FAM227A: variants seen among roughly 807,000 people sequenced by gnomAD.
The protein encoded by FAM227A is family with sequence similarity 227 member A.
A neutral mutation model predicts 74.7 loss-of-function variants in FAM227A; 80 were observed. The ratio of observed to expected loss-of-function variants is 1.07; its 90% confidence interval spans 0.89 to 1.29. The LOEUF is 1.29. Among genes scored for constraint, FAM227A ranks in the 50% most tolerant of loss-of-function variants. The pLI, the probability that FAM227A is intolerant of heterozygous loss-of-function variation, is 0.00. For missense variants in FAM227A, 654 were observed against 683.4 expected, an observed-to-expected ratio of 0.96 and a Z score of 0.48; for synonymous variants, 237 against 241.8, an observed-to-expected ratio of 0.98 and a Z score of 0.19.
rs983342833 is a variant in FAM227A, at chr22:38,582,402, C to T, written c.*3723G>A. ...CTGAGAGTATGGGTTTTCAGCAACA[C>T]TGGGAATGACAGAATTAGAATATCA... On this transcript the variant is annotated 3_prime_UTR_variant, in exon 17 of 17. Transcript: ENST00000535113. 6.5e-7 allele frequency: 1 copy of T among 1,550,266 alleles called. No homozygotes were observed. Among genetic ancestry groups the T allele is most frequent in the Non-Finnish European group, 8.7e-7 (1 of 1,146,608 alleles).
chr22:38,610,766 G>GA, intron 11 of FAM227A, among the ~76,000 whole-genome samples: 1 of 152,218 alleles, frequency 6.6e-6, no homozygotes, highest in South Asian at 2.1e-4. Flanking sequence ...CTTCCACTTA[G>GA]AAAGTACTTT....
At chr22:38,620,380 G>A (rs2091661896) in intron 10 of FAM227A, 89 bp from the exon 11 acceptor site, 1 of 1,023,982 alleles carries the variant, frequency 9.8e-7, no homozygotes, top group Non-Finnish European at 1.5e-6. Context: ...CTCCTTTCTG[G>A]AGACAGTGAC....
intron 2 of FAM227A, 83 bp downstream of exon 2, chr22:38,649,944 C>T: frequency 7.9e-7 from 1 of 1,259,686 alleles, no homozygotes; most frequent in South Asian, 1.3e-5. Flanking sequence ...GCATTATAGA[C>T]CTGAGCACTG....
intron 15 of FAM227A, among the ~76,000 whole-genome samples, chr22:38,592,521 A>G (rs1018601412): frequency 6.6e-6 from 1 of 152,194 alleles, no homozygotes; most frequent in Non-Finnish European, 1.5e-5. Context: ...GAAGAAATGC[A>G]TTTCTTTGGA....
intron 1 of FAM227A, among the ~76,000 whole-genome samples, chr22:38,655,672 A>G (rs1186211447): frequency 6.6e-6 from 1 of 152,214 alleles, no homozygotes; most frequent in Non-Finnish European, 1.5e-5. Context: ...AAATGTGGCT[A>G]CTAGAAAATT....
At chr22:38,637,614 G>A (rs909155718) in intron 5 of FAM227A, among the ~76,000 whole-genome samples, 5 of 152,326 alleles carry the variant, frequency 3.3e-5, no homozygotes, top group Non-Finnish European at 5.9e-5. Flanking sequence ...CATGATTCAC[G>A]GCACTGACTC....
intron 2 of FAM227A, among the ~76,000 whole-genome samples, chr22:38,648,080 G>A (rs896422936): frequency 3.3e-5 from 5 of 152,110 alleles, no homozygotes; most frequent in Non-Finnish European, 2.9e-5. Context: ...AAGACCTGGG[G>A]TTATTTATAG....
At chr22:38,633,747 G>A (rs542124490) in intron 6 of FAM227A, among the ~76,000 whole-genome samples, 1 of 152,046 alleles carries the variant, frequency 6.6e-6, no homozygotes, top group Admixed American at 6.6e-5. Context: ...TCACCACATT[G>A]GCCAGGGTGG....
Position 38,654,624 on chromosome 22 carries a change from C to T in FAM227A, c.-95+1496G>A, listed in dbSNP as rs1260680206. 6.6e-5 allele frequency among the ~76,000 whole-genome samples: 10 copies of T among 151,700 alleles called. 1 individual carries two copies. The South Asian group carries it at 2.1e-3, about 32-fold the overall frequency. ...CTCCAGCCTGGGTGACAGAATGAGA[C>T]CCTGTCTCAAAAAAATAAACAAAAG... On this transcript the variant is annotated intron_variant, in intron 1 of 16. Transcript: ENST00000535113.
At chr22:38,652,238 G>T (rs1569246725) in intron 1 of FAM227A, among the ~76,000 whole-genome samples, 1 of 151,658 alleles carries the variant, frequency 6.6e-6, no homozygotes, top group African/African-American at 2.4e-5. Flanking sequence ...GAGGCGATAT[G>T]AAAAAAAGAA....
At chr22:38,624,901 C>T (rs555079124) in intron 9 of FAM227A, among the ~76,000 whole-genome samples, 1 of 152,294 alleles carries the variant, frequency 6.6e-6, no homozygotes, top group East Asian at 1.9e-4. Context: ...CACTTAAACG[C>T]AGAGACCTAT....
intron 4 of FAM227A, among the ~76,000 whole-genome samples, chr22:38,639,432 G>A (rs1024677325): frequency 6.6e-6 from 1 of 151,512 alleles, no homozygotes; most frequent in Non-Finnish European, 1.5e-5. Context: ...AAAAACCAAG[G>A]GAATGTGGAT....
chr22:38,598,314 C>T (rs1242558407), intron 14 of FAM227A, among the ~76,000 whole-genome samples: 1 of 152,122 alleles, frequency 6.6e-6, no homozygotes, highest in African/African-American at 2.4e-5. Context: ...GTATAACTAT[C>T]CAAATTTTAG....
intron 15 of FAM227A, among the ~76,000 whole-genome samples, chr22:38,594,746 A>G (rs973790562): frequency 2.0e-5 from 3 of 151,988 alleles, no homozygotes; most frequent in Non-Finnish European, 4.4e-5. Context: ...GCAGATCATG[A>G]GGTCAAGAGG....
intron 2 of FAM227A, among the ~76,000 whole-genome samples, chr22:38,648,888 CT>C (rs1295476100): frequency 6.6e-6 from 1 of 151,350 alleles, no homozygotes; most frequent in Non-Finnish European, 1.5e-5. Flanking sequence ...AGAAGAATCC[CT>C]TGAACCTGGG....
intron 3 of FAM227A, among the ~76,000 whole-genome samples, chr22:38,643,166 A>T (rs1451417936): frequency 6.6e-6 from 1 of 151,710 alleles, no homozygotes; most frequent in African/African-American, 2.4e-5. Context: ...AATACAAAAA[A>T]TGAGACGGGA....
Position 38,623,252 on chromosome 22 carries a change from T to G in FAM227A, c.878A>C (p.Asp293Ala). 6.4e-7 allele frequency: 1 copy of G among 1,551,588 alleles called. No individual in the cohort carries two copies. The highest frequency in any genetic ancestry group is 1.2e-5 in the South Asian group (1 of 84,060). ...GTCTAGTTCCGAGTAGTCCCAGCTG[T>G]CATAGCTCTGTGGGCTAGGATAGGT... ...SGTYPSPQSY[D>A]SWDYSELDPE... Residue 293 changes from aspartate to alanine, a missense_variant, in exon 10 of 17, where the codon GAC (aspartate) becomes GCC (alanine). Coordinates refer to ENST00000535113, the MANE Select transcript of FAM227A (RefSeq NM_001013647.2).
intron 1 of FAM227A, among the ~76,000 whole-genome samples, chr22:38,652,934 C>A (rs1451479875): frequency 1.3e-5 from 2 of 151,410 alleles, no homozygotes; most frequent in Non-Finnish European, 2.9e-5. Flanking sequence ...TTTAGTATAA[C>A]CCTCAGTCAT....
chr22:38,645,102 A>C (rs1305500167), intron 3 of FAM227A, among the ~76,000 whole-genome samples: 1 of 143,952 alleles, frequency 6.9e-6, no homozygotes, highest in Non-Finnish European at 1.5e-5. Context: ...AAATAAATAA[A>C]GTTTATTGGC....
Sources: gnomAD v4.1 joint callset for allele counts (sites outside exome capture counted in the v4.1 genomes callset) on GRCh38, gnomAD v4.1.1 for gene constraint, MANE v1.5 for transcripts, NCBI Gene and HGNC (gene_info 2026-07-23, HGNC 2026-07-21) for gene names.